PLCE1: variants seen among roughly 807,000 people sequenced by gnomAD.
PLCE1 encodes 1-phosphatidylinositol 4,5-bisphosphate phosphodiesterase epsilon-1.
PLCE1 carries 119 observed loss-of-function variants against 242.8 expected under a neutral mutation model. The ratio of observed to expected loss-of-function variants is 0.49; its 90% CI spans 0.42 to 0.57. The LOEUF (loss-of-function observed/expected upper bound fraction) is 0.57. PLCE1 is among the 20% of genes least tolerant of loss of function. PLCE1 has a pLI of 0.00. For missense variants in PLCE1, 2,441 were observed against 2,788.8 expected (o/e 0.88, Z 2.81); for synonymous variants, 945 against 1,017.4 (o/e 0.93, Z 1.35).
At chr10:94,198,527 A>T (rs2048895004) in intron 4 of PLCE1, among the ~76,000 whole-genome samples, 1 of 152,240 alleles carries the variant, frequency 6.6e-6, no homozygotes, top group African/African-American at 2.4e-5. Context: ...CGTAATGACC[A>T]CCACGATCAG....
intron 4 of PLCE1, among the ~76,000 whole-genome samples, chr10:94,184,989 C>T (rs1012900018): frequency 2.0e-5 from 3 of 151,952 alleles, no homozygotes; most frequent in African/African-American, 7.3e-5. Flanking sequence ...AATAATTATC[C>T]TATTAGGTAC....
chr10:93,996,731 C>T (rs1043542775), intron 1 of PLCE1, among the ~76,000 whole-genome samples: 3 of 152,174 alleles, frequency 2.0e-5, no homozygotes, highest in Admixed American at 6.5e-5. Context: ...GGGAACCAAG[C>T]CCTCGGAGGC....
chr10:94,127,236 A>G (rs2046460830), intron 2 of PLCE1, among the ~76,000 whole-genome samples: 1 of 152,216 alleles, frequency 6.6e-6, no homozygotes, highest in Non-Finnish European at 1.5e-5. Context: ...TATTTAGCCC[A>G]TGATTCTGTG....
At chr10:94,012,060 C>T (rs61886277) in intron 1 of PLCE1, among the ~76,000 whole-genome samples, 29,431 of 152,108 alleles carry the variant, frequency 0.19, 3,550 homozygotes, top group Non-Finnish European at 0.26. Flanking sequence ...GTGTCCTGCC[C>T]TGCCAGGTGT....
chr10:94,122,183 C>T (rs184973359), intron 2 of PLCE1, among the ~76,000 whole-genome samples: 4 of 152,262 alleles, frequency 2.6e-5, no homozygotes, highest in East Asian at 1.9e-4. Context: ...TCACAGTCTA[C>T]GGGATTTGTG....
At chr10:94,195,701 G>A (rs1243865574) in intron 4 of PLCE1, among the ~76,000 whole-genome samples, 1 of 152,018 alleles carries the variant, frequency 6.6e-6, no homozygotes, top group Admixed American at 6.6e-5. Context: ...AATAGTTTTA[G>A]GACTATTAGA....
intron 2 of PLCE1, among the ~76,000 whole-genome samples, chr10:94,106,788 T>C (rs2135558104): frequency 6.6e-6 from 1 of 152,132 alleles, no homozygotes; most frequent in African/African-American, 2.4e-5. Flanking sequence ...TGGGAGCTCA[T>C]ATTCTCTGCT....
chr10:94,240,832 G>C (rs908419305), intron 7 of PLCE1, among the ~76,000 whole-genome samples: 1 of 152,028 alleles, frequency 6.6e-6, no homozygotes, highest in Non-Finnish European at 1.5e-5. Context: ...CTCTCCTTAA[G>C]GCATACAACC....
At chr10:94,210,013 C>T (rs752344102) in intron 4 of PLCE1, among the ~76,000 whole-genome samples, 1 of 152,088 alleles carries the variant, frequency 6.6e-6, no homozygotes, top group Non-Finnish European at 1.5e-5. Flanking sequence ...TTAAAGCCAG[C>T]ACCTCTGACT....
intron 1 of PLCE1, among the ~76,000 whole-genome samples, chr10:94,005,836 C>T (rs749039782): frequency 1.3e-4 from 20 of 152,324 alleles, no homozygotes; most frequent in Non-Finnish European, 2.4e-4. Context: ...CACGCTGCTG[C>T]CTTCCATTCT....
intron 4 of PLCE1, among the ~76,000 whole-genome samples, chr10:94,206,024 A>G (rs2049147423): frequency 6.6e-6 from 1 of 152,254 alleles, no homozygotes; most frequent in South Asian, 2.1e-4. Context: ...AGATGGAGAC[A>G]GATTAGAGAA....
chr10:94,210,093 T>C (rs1400047390), intron 4 of PLCE1, among the ~76,000 whole-genome samples: 1 of 152,074 alleles, frequency 6.6e-6, no homozygotes, highest in East Asian at 1.9e-4. Flanking sequence ...AAAATGATCT[T>C]TTTTTTGGCT....
rs2054133533 is a variant in PLCE1 at position 94,329,735 on chromosome 10, ACCACCACGCT to A, written c.*1796_*1805del. ...GGAGGCTGCAGTGAGCCAAGATCGC[ACCACCACGCT>A]CCAGCCTGGTGACAGAGCGAGACTC... On this transcript the variant is annotated 3_prime_UTR_variant, in exon 33 of 33. Transcript: ENST00000371380. 1 of 128,036 alleles carries A rather than the reference ACCACCACGCT, an allele frequency of 7.8e-6. No homozygotes were observed. Among genetic ancestry groups the A allele is most frequent in the African/African-American group, 2.9e-5 (1 of 34,548 alleles). The allele number at this position is 128,036 out of a possible 1,614,324, so 7.9% of individuals were successfully genotyped here.
At chr10:94,060,697 T>C (rs2044028228) in intron 2 of PLCE1, among the ~76,000 whole-genome samples, 2 of 144,830 alleles carry the variant, frequency 1.4e-5, no homozygotes, top group African/African-American at 5.1e-5. Context: ...TTATTTAACT[T>C]TTTTTTTTTT....
intron 2 of PLCE1, among the ~76,000 whole-genome samples, chr10:94,088,424 C>A (rs1384642990): frequency 6.6e-6 from 1 of 152,148 alleles, no homozygotes; most frequent in Admixed American, 6.5e-5. Flanking sequence ...AGACTTTTAC[C>A]CCTCCCTTCA....
chr10:94,275,320 T>G (rs1158627628), intron 19 of PLCE1, among the ~76,000 whole-genome samples: 3 of 152,164 alleles, frequency 2.0e-5, no homozygotes, highest in African/African-American at 7.2e-5. Flanking sequence ...TGCCAACTGT[T>G]CCTGACAGGA....
chr10:94,073,904 A>G (rs2044429427), intron 2 of PLCE1, among the ~76,000 whole-genome samples: 1 of 152,206 alleles, frequency 6.6e-6, no homozygotes, highest in African/African-American at 2.4e-5. Context: ...ATAGCACAGA[A>G]GGCGGGAAAA....
intron 2 of PLCE1, among the ~76,000 whole-genome samples, chr10:94,057,615 C>G (rs891388559): frequency 6.6e-6 from 1 of 152,166 alleles, no homozygotes; most frequent in Non-Finnish European, 1.5e-5. Flanking sequence ...TATACTTCCA[C>G]GAAACTGTGT....
At chr10:94,279,509 T>C in intron 19 of PLCE1, 1 of 478,332 alleles carries the variant, frequency 2.1e-6, no homozygotes, top group Non-Finnish European at 3.8e-6. Flanking sequence ...CTTGGAGGGG[T>C]TGTCCTGGGA....
Sources: allele counts gnomAD v4.1 joint callset (sites outside exome capture counted in the v4.1 genomes callset), GRCh38; gene constraint gnomAD v4.1.1; transcripts MANE v1.5; gene names NCBI Gene and HGNC (gene_info 2026-07-23, HGNC 2026-07-21).